FRMD4A: variants seen among roughly 807,000 people sequenced by gnomAD.
FRMD4A encodes FERM domain-containing protein 4A.
Under a neutral mutation model 129.1 loss-of-function variants are expected in FRMD4A, and 29 were observed. The observed-to-expected ratio is 0.22, with a 90% CI of 0.17 to 0.31. FRMD4A has a LOEUF of 0.31. Ranked by LOEUF, FRMD4A falls within the 10% of genes least tolerant of loss-of-function variation. The pLI is 1.00. For missense variants in FRMD4A, 1,272 were observed against 1,375.8 expected (o/e 0.92, Z 1.19); for synonymous variants, 634 against 571.6 (o/e 1.11, Z -1.56).
At chr10:13,678,206 G>C (rs1405156830) in intron 15 of FRMD4A, among the ~76,000 whole-genome samples, 1 of 152,154 alleles carries the variant, frequency 6.6e-6, no homozygotes, top group Non-Finnish European at 1.5e-5. Context: ...AGAAAGTCCT[G>C]GCAGACTAGA....
chr10:13,860,404 A>T (rs1466645639), intron 2 of FRMD4A, among the ~76,000 whole-genome samples: 10 of 152,222 alleles, frequency 6.6e-5, no homozygotes. Context: ...CATTCCTGAA[A>T]ATGTAGCAAT....
chr10:14,226,201 A>T (rs886594905), intron 2 of FRMD4A, among the ~76,000 whole-genome samples: 2 of 152,044 alleles, frequency 1.3e-5, no homozygotes, highest in African/African-American at 4.8e-5. Context: ...GGTTTGCTGC[A>T]CCTGTCAACT....
chr10:14,280,146 T>C (rs1205354303), intron 2 of FRMD4A, among the ~76,000 whole-genome samples: 1 of 152,150 alleles, frequency 6.6e-6, no homozygotes, highest in Non-Finnish European at 1.5e-5. Context: ...GGGACGATGC[T>C]GGCCAAGGCA....
chr10:14,055,462 A>AAACAC (rs1834476848), intron 2 of FRMD4A, among the ~76,000 whole-genome samples: 1 of 77,430 alleles, frequency 1.3e-5, no homozygotes, highest in Admixed American at 1.2e-4. Flanking sequence ...CACACACACA[A>AAACAC]ACACACACAC....
intron 6 of FRMD4A, among the ~76,000 whole-genome samples, chr10:13,779,982 G>A (rs1390387192): frequency 2.6e-5 from 4 of 152,140 alleles, no homozygotes; most frequent in African/African-American, 9.7e-5. Flanking sequence ...CATTGCATTC[G>A]TTATGTGCAT....
intron 2 of FRMD4A, among the ~76,000 whole-genome samples, chr10:14,078,981 C>G (rs753961159): frequency 1.3e-5 from 2 of 152,212 alleles, no homozygotes; most frequent in Admixed American, 1.3e-4. Flanking sequence ...AAGGGTTTCC[C>G]TCAGAGCTTG....
intron 2 of FRMD4A, among the ~76,000 whole-genome samples, chr10:14,062,528 G>A (rs909787809): frequency 1.1e-4 from 16 of 152,182 alleles, no homozygotes; most frequent in African/African-American, 2.9e-4. Flanking sequence ...CTCTAAGAAA[G>A]CAATACAAAT....
intron 2 of FRMD4A, among the ~76,000 whole-genome samples, chr10:13,893,722 C>T (rs1351362561): frequency 6.6e-6 from 1 of 152,140 alleles, no homozygotes; most frequent in Non-Finnish European, 1.5e-5. Context: ...GCCATGTTGG[C>T]CAGGCTGGTC....
intron 2 of FRMD4A, among the ~76,000 whole-genome samples, chr10:14,157,214 G>A (rs1029310447): frequency 7.9e-5 from 12 of 152,210 alleles, no homozygotes; most frequent in Admixed American, 6.5e-5. Context: ...CCCTAAGGCT[G>A]TGGGACCTGA....
chr10:14,155,562 AG>A (rs1333989631), intron 2 of FRMD4A, among the ~76,000 whole-genome samples: 1 of 152,182 alleles, frequency 6.6e-6, no homozygotes, highest in African/African-American at 2.4e-5. Context: ...AGAGTCTAGC[AG>A]GTTTCCTTAC....
intron 15 of FRMD4A, among the ~76,000 whole-genome samples, chr10:13,679,763 C>T (rs1199439074): frequency 2.6e-5 from 4 of 152,078 alleles, no homozygotes; most frequent in Non-Finnish European, 5.9e-5. Flanking sequence ...TCGGAGCTTT[C>T]ACCGCTGCTC....
At chr10:13,979,841 C>T (rs1480534518) in intron 2 of FRMD4A, among the ~76,000 whole-genome samples, 1 of 152,190 alleles carries the variant, frequency 6.6e-6, no homozygotes, top group African/African-American at 2.4e-5. Context: ...CAGGCTATGG[C>T]TTCTCTTGCT....
intron 2 of FRMD4A, among the ~76,000 whole-genome samples, chr10:14,238,730 G>A (rs911492164): frequency 6.6e-6 from 1 of 151,908 alleles, no homozygotes; most frequent in Non-Finnish European, 1.5e-5. Context: ...TCCCCTCCCT[G>A]TGTCCATGTG....
At chr10:13,987,460 T>C (rs768100458) in intron 2 of FRMD4A, among the ~76,000 whole-genome samples, 16 of 152,156 alleles carry the variant, frequency 1.1e-4, no homozygotes, top group Non-Finnish European at 1.8e-4. Flanking sequence ...ATTAGTAACA[T>C]GCATTTATTT....
At chr10:13,983,383 C>T (rs952029523) in intron 2 of FRMD4A, among the ~76,000 whole-genome samples, 6 of 151,862 alleles carry the variant, frequency 4.0e-5, no homozygotes, top group African/African-American at 7.3e-5. Flanking sequence ...TGCCCTTTAA[C>T]GCTTCAATAG....
At chr10:14,217,830 CTCTT>C (rs1327026414) in intron 2 of FRMD4A, among the ~76,000 whole-genome samples, 1 of 151,854 alleles carries the variant, frequency 6.6e-6, no homozygotes, top group Admixed American at 6.6e-5. Context: ...TACTCTCTCT[CTCTT>C]TTTTTTTTTG....
At position 13,726,863 on chromosome 10, in the gene FRMD4A, G is replaced by A. The variant is rs113437249; in HGVS notation, c.759+10981C>T. Among the ~76,000 whole-genome samples the A allele has an allele frequency of 5.2e-3, 791 of 151,968 alleles. 8 individuals are homozygous for A. Among genetic ancestry groups the A allele is most frequent in the African/African-American group, 0.018 (752 of 41,438 alleles). On this transcript the variant is annotated intron_variant, in intron 12 of 24. Coordinates refer to ENST00000357447, the MANE Select transcript of FRMD4A (RefSeq NM_018027.5). ...CCTGCCTCAGCCTTCCAAAGTGCTG[G>A]GATGACAGGTGTGAGCCACCTAGCC... is the stretch of plus-strand genomic sequence containing the variant.
rs1564308916 is a variant in FRMD4A at position 14,118,375 on chromosome 10, T to G, written c.45+211683A>C. On this transcript the variant is annotated intron_variant, in intron 2 of 24. Transcript: ENST00000357447. Reference sequence around the variant, plus strand: ...AGACTCTGTAAATTTCTGCAGAAATTTGATGGAAGGAACTTCAGTCACTGG... The same window carrying G: ...AGACTCTGTAAATTTCTGCAGAAATGTGATGGAAGGAACTTCAGTCACTGG... Among the ~76,000 whole-genome samples the G allele has an allele frequency of 2.0e-5, 3 of 152,128 alleles. No homozygotes were observed. The South Asian group carries it at 6.2e-4, about 32-fold the overall frequency.
intron 9 of FRMD4A, among the ~76,000 whole-genome samples, chr10:13,745,917 G>C (rs1272328876): frequency 1.3e-5 from 2 of 152,158 alleles, no homozygotes; most frequent in Non-Finnish European, 2.9e-5. Context: ...CCATGAACAA[G>C]GAAACGGGAC....
Sources: gnomAD v4.1 joint callset for allele counts (sites outside exome capture counted in the v4.1 genomes callset) on GRCh38, gnomAD v4.1.1 for gene constraint, MANE v1.5 for transcripts, NCBI Gene and HGNC (gene_info 2026-07-23, HGNC 2026-07-21) for gene names.